The following VPS13B variants were observed in gnomAD, a reference collection of about 807,000 sequenced individuals.
The protein encoded by VPS13B is intermembrane lipid transfer protein VPS13B.
In VPS13B, 285 loss-of-function variants were observed where a neutral mutation model predicts 426.4. The ratio of observed to expected loss-of-function variants is 0.67; its 90% confidence interval spans 0.61 to 0.74. The LOEUF (loss-of-function observed/expected upper bound fraction) is 0.74. Among genes scored for constraint, VPS13B ranks in the 30% least tolerant of loss-of-function variants. The pLI is 0.00. For synonymous variants in VPS13B, 1,676 were observed against 1,676.4 expected (o/e 1.00, Z 0.01); for missense variants, 4,537 against 4,782.6 (o/e 0.95, Z 1.51).
At chr8:99,520,818 A>C in intron 29 of VPS13B, 81 bp from the exon 30 acceptor site, 16 of 977,384 alleles carry the variant, frequency 1.6e-5, no homozygotes, top group Non-Finnish European at 2.6e-5. Flanking sequence ...TCTCTATTCC[A>C]TTCCCTCAAA....
chr8:99,780,228 G>T (rs1811949122), intron 42 of VPS13B, among the ~76,000 whole-genome samples: 1 of 151,898 alleles, frequency 6.6e-6, no homozygotes, highest in African/African-American at 2.4e-5. Context: ...GACCTCTATG[G>T]CTCCAATTTC....
At chr8:99,520,631 A>G (rs1473990769) in intron 29 of VPS13B, among the ~76,000 whole-genome samples, 3 of 152,072 alleles carry the variant, frequency 2.0e-5, no homozygotes, top group Non-Finnish European at 2.9e-5. Context: ...TAATATCATA[A>G]TTTTTAATGT....
chr8:99,056,409 TGTA>T (rs1298773049), intron 3 of VPS13B, among the ~76,000 whole-genome samples: 1 of 152,192 alleles, frequency 6.6e-6, no homozygotes, highest in Non-Finnish European at 1.5e-5. Flanking sequence ...GTTTGTTAGC[TGTA>T]GTAGTTTTTG....
At chr8:99,160,513 GC>G (rs1736222978) in intron 15 of VPS13B, among the ~76,000 whole-genome samples, 1 of 151,742 alleles carries the variant, frequency 6.6e-6, no homozygotes, top group South Asian at 2.1e-4. Flanking sequence ...ACAAAAATTA[GC>G]CAGGCATTGT....
intron 19 of VPS13B, among the ~76,000 whole-genome samples, chr8:99,351,726 T>C (rs1372632702): frequency 6.6e-6 from 1 of 152,178 alleles, no homozygotes; most frequent in African/African-American, 2.4e-5. Context: ...ATCTTACTTA[T>C]ACTACATGAT....
At chr8:99,671,003 T>C (rs1329971778) in intron 35 of VPS13B, among the ~76,000 whole-genome samples, 6 of 152,266 alleles carry the variant, frequency 3.9e-5, no homozygotes, top group African/African-American at 1.4e-4. Flanking sequence ...CTATACCCAT[T>C]AGTGGGATTA....
At chr8:99,200,959 G>A (rs184194467) in intron 17 of VPS13B, among the ~76,000 whole-genome samples, 320 of 151,688 alleles carry the variant, frequency 2.1e-3, no homozygotes, top group Middle Eastern at 0.01. Context: ...TACTGATATT[G>A]ATTCTTGGTC....
chr8:99,829,252 G>A (rs1814906219), intron 51 of VPS13B, among the ~76,000 whole-genome samples: 1 of 152,106 alleles, frequency 6.6e-6, no homozygotes. Flanking sequence ...TGTAGGTTTG[G>A]TCTTTTCACA....
chr8:99,784,323 C>T lies in VPS13B; in HGVS notation c.7788C>T (p.Cys2596=). Reference sequence around the variant, plus strand: ...TATCCTTTTTCTTTCAGAACAAATGCCCTGAGGTAGAGGAGTTGGTCTTCA... The same window carrying T: ...TATCCTTTTTCTTTCAGAACAAATGTCCTGAGGTAGAGGAGTTGGTCTTCA... ...TAIQAWQQNK[C]PEVEELVFSH... The change falls in exon 43 of 62, where the codon TGC becomes TGT. Residue 2596 remains cysteine (C), a synonymous_variant. Transcript: ENST00000357162. The T allele has an allele frequency of 6.2e-7, 1 of 1,613,582 alleles. No individual in the cohort carries two copies.
intron 21 of VPS13B, among the ~76,000 whole-genome samples, chr8:99,423,763 T>C (rs1223486608): frequency 6.6e-6 from 1 of 152,230 alleles, no homozygotes; most frequent in Non-Finnish European, 1.5e-5. Flanking sequence ...GATTGCACTG[T>C]GGTCTGAGAG....
intron 3 of VPS13B, among the ~76,000 whole-genome samples, chr8:99,084,928 C>A (rs1845691091): frequency 6.6e-6 from 1 of 152,122 alleles, no homozygotes; most frequent in Non-Finnish European, 1.5e-5. Context: ...AATGTATATT[C>A]TGTTGATTTG....
intron 4 of VPS13B, among the ~76,000 whole-genome samples, chr8:99,098,935 G>A (rs1464455108): frequency 1.3e-5 from 2 of 151,706 alleles, no homozygotes; most frequent in Non-Finnish European, 2.9e-5. Flanking sequence ...GCTTCTTTTG[G>A]AGTTTCTATA....
chr8:99,608,309 C>T (rs1268309867), intron 33 of VPS13B, among the ~76,000 whole-genome samples: 2 of 151,384 alleles, frequency 1.3e-5, no homozygotes, highest in Non-Finnish European at 2.9e-5. Flanking sequence ...CCACCATGCC[C>T]AGCTAATTTT....
chr8:99,468,654 T>C (rs1588412257), intron 24 of VPS13B, among the ~76,000 whole-genome samples: 1 of 152,062 alleles, frequency 6.6e-6, no homozygotes, highest in Admixed American at 6.6e-5. Flanking sequence ...TTAGAGGCTG[T>C]AGTGTGCTAT....
chr8:99,128,445 A>G (rs1451712253), intron 8 of VPS13B, among the ~76,000 whole-genome samples: 1 of 146,824 alleles, frequency 6.8e-6, no homozygotes, highest in Non-Finnish European at 1.5e-5. Context: ...TTTCTTCAGC[A>G]CTTAGAAATT....
intron 31 of VPS13B, among the ~76,000 whole-genome samples, chr8:99,573,339 A>G (rs897095295): frequency 2.0e-5 from 3 of 152,136 alleles, no homozygotes; most frequent in Non-Finnish European, 2.9e-5. Flanking sequence ...TTTTGTTGCC[A>G]TTGCTTTTGT....
At chr8:99,478,447 GTTTTTTTTTTTTTT>G (rs56261645) in intron 24 of VPS13B, among the ~76,000 whole-genome samples, 2 of 85,778 alleles carry the variant, frequency 2.3e-5, no homozygotes, top group Non-Finnish European at 2.1e-5. Flanking sequence ...TTTTTGTTTT[GTTTTTTTTTTTTTT>G]TTTTGTTTTT....
At chr8:99,367,746 T>C (rs899212947) in intron 19 of VPS13B, among the ~76,000 whole-genome samples, 5 of 152,208 alleles carry the variant, frequency 3.3e-5, no homozygotes, top group Non-Finnish European at 7.3e-5. Context: ...TTCAACCTCC[T>C]GGGTTCAAGC....
chr8:99,515,412 C>A (rs748876818), intron 29 of VPS13B, among the ~76,000 whole-genome samples: 28 of 151,608 alleles, frequency 1.8e-4, no homozygotes, highest in Non-Finnish European at 2.9e-4. Flanking sequence ...CCTCCTCCTC[C>A]TCCTCCTCCT....
Sources: gnomAD v4.1 joint callset for allele counts (sites outside exome capture counted in the v4.1 genomes callset) on GRCh38, gnomAD v4.1.1 for gene constraint, MANE v1.5 for transcripts, NCBI Gene and HGNC (gene_info 2026-07-23, HGNC 2026-07-21) for gene names.